DOCK4: variants seen among roughly 807,000 people sequenced by gnomAD.
DOCK4 encodes the protein dedicator of cytokinesis 4, also known as dedicator of cytokinesis protein 4.
DOCK4 carries 97 observed loss-of-function variants against 268.1 expected under a neutral mutation model. That is an observed-to-expected ratio of 0.36 (90% confidence interval 0.31 to 0.43). The LOEUF (loss-of-function observed/expected upper bound fraction) is 0.43, where lower values mean the gene tolerates loss of function less well. DOCK4 is among the 20% of genes least tolerant of loss of function. DOCK4 has a pLI of 1.00. For missense variants in DOCK4, 2,145 were observed against 2,455.7 expected, an observed-to-expected ratio of 0.87 and a Z score of 2.67; for synonymous variants, 954 against 887.2, an observed-to-expected ratio of 1.08 and a Z score of -1.34.
At chr7:112,030,771 G>A (rs143406580) in intron 1 of DOCK4, among the ~76,000 whole-genome samples, 4 of 152,294 alleles carry the variant, frequency 2.6e-5, no homozygotes, top group East Asian at 3.9e-4. Context: ...CAATGAACTC[G>A]TGGACCCAAC....
At chr7:111,976,133 T>A (rs1586550086) in intron 8 of DOCK4, among the ~76,000 whole-genome samples, 3 of 67,866 alleles carry the variant, frequency 4.4e-5, no homozygotes, top group South Asian at 5.4e-4. Flanking sequence ...AGAGCAAGAC[T>A]CCATCTCAAA....
chr7:111,781,861 AG>A (rs1798803344), intron 35 of DOCK4, among the ~76,000 whole-genome samples: 1 of 152,200 alleles, frequency 6.6e-6, no homozygotes, highest in African/African-American at 2.4e-5. Context: ...AAATCAAAGT[AG>A]GGGCAAAAGA....
At chr7:112,009,419 A>G (rs1586631342) in intron 1 of DOCK4, among the ~76,000 whole-genome samples, 1 of 152,300 alleles carries the variant, frequency 6.6e-6, no homozygotes, top group East Asian at 1.9e-4. Context: ...GCAAAAGGAA[A>G]CTGTTGTTTT....
intron 36 of DOCK4, among the ~76,000 whole-genome samples, chr7:111,776,086 A>C (rs1406362508): frequency 6.6e-6 from 1 of 152,226 alleles, no homozygotes; most frequent in African/African-American, 2.4e-5. Flanking sequence ...ATGTCTTCCT[A>C]AAGATTTTAA....
chr7:111,784,687 A>G (rs1197812442), intron 32 of DOCK4, among the ~76,000 whole-genome samples: 5 of 152,198 alleles, frequency 3.3e-5, no homozygotes, highest in Admixed American at 6.5e-5. Context: ...ACACAAAATA[A>G]TAACAATCAT....
rs1795542680 is a variant in DOCK4 at position 111,736,969 on chromosome 7, A to C, written c.5253T>G (p.Ile1751Met). The stretch of plus-strand genomic sequence containing the variant: ...CACTGCGTGGCAAGGCCCCGTCTCC[A>C]ATATGATTAAACAGCATCCTCTGCA... ...EPSQRMLFNH[I>M]GDGALPRSDP... The change falls in exon 50 of 53, where the codon ATT becomes ATG. Residue 1751 changes from isoleucine to methionine, a missense_variant. Physicochemically the swap from Ile to Met is conservative, Grantham distance 10. Transcript: ENST00000428084. The C allele has an allele frequency of 6.2e-7, 1 of 1,604,444 alleles. No homozygotes were observed. Among genetic ancestry groups the C allele is most frequent in the South Asian group, 1.1e-5 (1 of 88,716 alleles).
chr7:111,784,073 C>T (rs1485683346), intron 33 of DOCK4, 24 bp downstream of exon 33: 5 of 1,580,022 alleles, frequency 3.2e-6, no homozygotes, highest in Non-Finnish European at 4.3e-6. Flanking sequence ...TCACAAGTAG[C>T]ACAATTTGCA....
Position 111,945,709 on chromosome 7 carries a change from C to T in DOCK4, c.783+8G>A. On this transcript the variant is annotated splice_region_variant and intron_variant, in intron 9 of 52. Coordinates refer to ENST00000428084, the MANE Select transcript of DOCK4 (RefSeq NM_001363540.2). ...ATCTGCCTTATGAATGAAACAAGAT[C>T]CACTCACCACAAAGAGGGAGCAATG... is the stretch of plus-strand genomic sequence containing the variant. 7.6e-6 allele frequency: 12 copies of T among 1,586,620 alleles called. No homozygotes were observed. The highest frequency in any genetic ancestry group is 1.0e-5 in the Non-Finnish European group (12 of 1,165,196).
intron 1 of DOCK4, among the ~76,000 whole-genome samples, chr7:112,189,565 C>G (rs1819746299): frequency 6.6e-6 from 1 of 152,106 alleles, no homozygotes; most frequent in South Asian, 2.1e-4. Context: ...CACACTGACT[C>G]AAATAACATG....
intron 1 of DOCK4, among the ~76,000 whole-genome samples, chr7:112,070,916 C>T (rs971534880): frequency 3.9e-5 from 6 of 152,188 alleles, no homozygotes; most frequent in Admixed American, 1.3e-4. Flanking sequence ...TGAAGGGGCA[C>T]GAGGTAAGCA....
chr7:111,793,970 C>T (rs1799720366), intron 30 of DOCK4, among the ~76,000 whole-genome samples: 1 of 152,002 alleles, frequency 6.6e-6, no homozygotes, highest in African/African-American at 2.4e-5. Context: ...GTAAGCTAAG[C>T]TGAGTGGAAG....
intron 27 of DOCK4, 32 bp from the exon 28 acceptor site, chr7:111,811,981 T>C: frequency 2.5e-6 from 3 of 1,221,624 alleles, no homozygotes; most frequent in Non-Finnish European, 3.4e-6. Context: ...AGGTGAAAAC[T>C]TCATATTAGT....
At chr7:112,126,628 A>G (rs1218362432) in intron 1 of DOCK4, among the ~76,000 whole-genome samples, 1 of 152,234 alleles carries the variant, frequency 6.6e-6, no homozygotes, top group Non-Finnish European at 1.5e-5. Context: ...GGCAACCTAC[A>G]AAATGGGAGA....
At chr7:112,015,200 C>T (rs374151649) in intron 1 of DOCK4, among the ~76,000 whole-genome samples, 9 of 152,264 alleles carry the variant, frequency 5.9e-5, no homozygotes, top group Admixed American at 1.3e-4. Flanking sequence ...CTTCATTATA[C>T]GCTAGTTATA....
chr7:112,188,575 T>A (rs1032488145), intron 1 of DOCK4, among the ~76,000 whole-genome samples: 1 of 152,234 alleles, frequency 6.6e-6, no homozygotes, highest in South Asian at 2.1e-4. Flanking sequence ...CTGTGCTGCA[T>A]GGCATACGTG....
intron 8 of DOCK4, among the ~76,000 whole-genome samples, chr7:111,976,201 C>T (rs1798166833): frequency 1.2e-5 from 1 of 81,176 alleles, no homozygotes; most frequent in African/African-American, 7.1e-5. Flanking sequence ...CGCACACACG[C>T]ACATATGTGT....
intron 16 of DOCK4, among the ~76,000 whole-genome samples, chr7:111,878,715 T>C (rs755553774): frequency 3.3e-5 from 5 of 151,940 alleles, no homozygotes; most frequent in Non-Finnish European, 5.9e-5. Context: ...TGCCCTGCCA[T>C]TGAGTAGAAA....
chr7:112,139,861 A>C (rs925453860), intron 1 of DOCK4, among the ~76,000 whole-genome samples: 1 of 152,226 alleles, frequency 6.6e-6, no homozygotes, highest in Non-Finnish European at 1.5e-5. Flanking sequence ...CACTGAATAA[A>C]GAGTGGATGT....
chr7:111,989,200 T>A, intron 5 of DOCK4, 37 bp from the exon 6 acceptor site: 1 of 1,611,136 alleles, frequency 6.2e-7, no homozygotes, highest in South Asian at 1.1e-5. Flanking sequence ...TGGCAGTCAG[T>A]ACCTATACTG....
Sources: allele counts gnomAD v4.1 joint callset (sites outside exome capture counted in the v4.1 genomes callset), GRCh38; gene constraint gnomAD v4.1.1; transcripts MANE v1.5; gene names NCBI Gene and HGNC (gene_info 2026-07-23, HGNC 2026-07-21).